SLC25A48: variants seen among roughly 807,000 people sequenced by gnomAD.
The protein encoded by SLC25A48 is CTC-321K16.1.
A neutral mutation model predicts 32.2 loss-of-function variants in SLC25A48; 29 were observed. The ratio of observed to expected loss-of-function variants is 0.90; its 90% CI spans 0.67 to 1.23. The LOEUF (loss-of-function observed/expected upper bound fraction) is 1.23, where lower values mean the gene tolerates loss of function less well. SLC25A48 is among the 50% of genes most tolerant of loss of function. The pLI, the probability that SLC25A48 is intolerant of heterozygous loss-of-function variation, is 0.00. For missense variants in SLC25A48, 399 were observed against 422.7 expected (o/e 0.94, Z 0.49); for synonymous variants, 164 against 172.3 (o/e 0.95, Z 0.38).
rs1451043680 is a variant in SLC25A48, at chr5:135,852,596, C to T, written c.196C>T (p.Leu66Phe). The T allele has an allele frequency of 5.6e-6, 9 of 1,603,202 alleles. No homozygotes were observed. Among genetic ancestry groups the T allele is most frequent in the Non-Finnish European group, 7.7e-6 (9 of 1,170,744 alleles). ...FGFFKGMSFP[L>F]ASIAVYNSVV... ...CTTCTTCAAGGGCATGTCCTTCCCCCTCGCCAGCATTGCCGTCTACAACTC... is the reference window on the plus strand; with the variant it reads ...CTTCTTCAAGGGCATGTCCTTCCCCTTCGCCAGCATTGCCGTCTACAACTC... Residue 66 changes from leucine (L) to phenylalanine (F), a missense_variant, in exon 4 of 8, where the codon CTC becomes TTC. Transcript: ENST00000681962.
chr5:135,650,255 A>C, intron 3 of SLC25A48: 1 of 363,738 alleles, frequency 2.7e-6, no homozygotes, highest in Admixed American at 3.4e-5. Context: ...TCTAAGCCAC[A>C]CACTGTAGAC....
At chr5:135,765,929 G>A (rs1756207217) in intron 3 of SLC25A48, among the ~76,000 whole-genome samples, 1 of 151,636 alleles carries the variant, frequency 6.6e-6, no homozygotes, top group African/African-American at 2.4e-5. Flanking sequence ...GGGGTGAGAG[G>A]GTCATATTAC....
At chr5:135,682,559 A>G (rs1008312206) in intron 3 of SLC25A48, among the ~76,000 whole-genome samples, 1 of 152,204 alleles carries the variant, frequency 6.6e-6, no homozygotes, top group Admixed American at 6.5e-5. Flanking sequence ...GAAGGATGTA[A>G]AGAGAATTAA....
intron 1 of SLC25A48, among the ~76,000 whole-genome samples, chr5:135,623,155 G>C (rs1163358172): frequency 6.6e-6 from 1 of 152,240 alleles, no homozygotes; most frequent in Non-Finnish European, 1.5e-5. Context: ...TCCCTTCTTG[G>C]TTTGTTGCTT....
At chr5:135,764,742 G>A (rs1317308936) in intron 3 of SLC25A48, among the ~76,000 whole-genome samples, 1 of 150,386 alleles carries the variant, frequency 6.6e-6, no homozygotes, top group Non-Finnish European at 1.5e-5. Flanking sequence ...ATATCACGGG[G>A]GGTGCACACC....
At position 135,869,365 on chromosome 5, in the gene SLC25A48, G is replaced by A. The variant is rs1250786896; in HGVS notation, c.422-2096G>A. Among the ~76,000 whole-genome samples the A allele has an allele frequency of 4.6e-5, 7 of 152,244 alleles. No homozygotes were observed. The South Asian group carries it at 6.2e-4, about 14-fold the overall frequency. ...CAATAAAAGCTAGATTGGTTATGTG[G>A]CAAACCTGGGAGAATGAGAGAGAAT... On this transcript the variant is annotated intron_variant, in intron 4 of 7. Transcript: ENST00000681962.
intron 1 of SLC25A48, among the ~76,000 whole-genome samples, chr5:135,589,500 A>G (rs995603013): frequency 3.9e-5 from 6 of 152,196 alleles, no homozygotes; most frequent in African/African-American, 1.4e-4. Flanking sequence ...AGGCCCTGAA[A>G]TATCAGCTTG....
intron 4 of SLC25A48, among the ~76,000 whole-genome samples, chr5:135,863,149 G>A (rs908485933): frequency 6.6e-6 from 1 of 152,150 alleles, no homozygotes; most frequent in African/African-American, 2.4e-5. Context: ...CAGGAGAGAG[G>A]AAAGTGTCAA....
chr5:135,755,632 C>T (rs916186365), intron 3 of SLC25A48, among the ~76,000 whole-genome samples: 2 of 151,536 alleles, frequency 1.3e-5, no homozygotes, highest in South Asian at 2.1e-4. Flanking sequence ...AATGAAATAT[C>T]GCTGTGATAT....
At chr5:135,872,273 T>C (rs57847999) in intron 5 of SLC25A48, 39,136 of 181,426 alleles carry the variant, frequency 0.22, 5,964 homozygotes, top group African/African-American at 0.45. Context: ...CACCACATCC[T>C]TCTTTCATTT....
rs565220762 is a variant in SLC25A48 at position 135,661,015 on chromosome 5, T to C, written c.-521+26059T>C. Among the ~76,000 whole-genome samples the C allele has an allele frequency of 2.4e-4, 37 of 152,364 alleles. No homozygotes were observed. The South Asian group carries it at 7.5e-3, about 31-fold the overall frequency. On this transcript the variant is annotated intron_variant, in intron 3 of 10. Coordinates refer to the SLC25A48 transcript ENST00000646290. ...CAAGGCTCAGACTCTGGAATGCCCC[T>C]GACTTTGTCAGTCCCAGGGCCAGAC...
At chr5:135,706,708 A>G (rs1302897963) in intron 3 of SLC25A48, among the ~76,000 whole-genome samples, 1 of 151,942 alleles carries the variant, frequency 6.6e-6, no homozygotes, top group African/African-American at 2.4e-5. Context: ...GCCCCCTGGG[A>G]GGACGAGAGG....
intron 3 of SLC25A48, among the ~76,000 whole-genome samples, chr5:135,773,095 A>G (rs1339717403): frequency 6.6e-6 from 1 of 151,244 alleles, no homozygotes; most frequent in African/African-American, 2.4e-5. Flanking sequence ...TACTCTCAAT[A>G]TCGCAGGGGG....
rs1244435782 is a variant in SLC25A48 at position 135,834,820 on chromosome 5, T to G, written c.-28T>G. ...GACTCTAAGTGGGCACTGCCCCGGC[T>G]CCGGGAGGGCGAGACCGAGCGCCGG... On this transcript the variant is annotated 5_prime_UTR_variant, in exon 1 of 8. Coordinates refer to ENST00000681962, the MANE Select transcript of SLC25A48 (RefSeq NM_001349336.2). 1.9e-6 allele frequency: 3 copies of G among 1,577,198 alleles called. No homozygotes were observed. The highest frequency in any genetic ancestry group is 2.6e-6 in the Non-Finnish European group (3 of 1,162,006).
chr5:135,858,859 A>G (rs1760550182), intron 4 of SLC25A48, among the ~76,000 whole-genome samples: 1 of 152,188 alleles, frequency 6.6e-6, no homozygotes, highest in Admixed American at 6.5e-5. Context: ...TTGGGTGTGA[A>G]TTCTGTGGGA....
intron 4 of SLC25A48, among the ~76,000 whole-genome samples, chr5:135,863,113 G>A (rs1317814771): frequency 2.0e-5 from 3 of 152,274 alleles, no homozygotes; most frequent in Admixed American, 6.5e-5. Flanking sequence ...TGATATAGAA[G>A]CAGCAGGCCA....
chr5:135,852,894 T>C (rs1173285237), intron 4 of SLC25A48, 73 bp downstream of exon 4: 1 of 1,516,824 alleles, frequency 6.6e-7, no homozygotes, highest in East Asian at 2.3e-5. Flanking sequence ...ATCTGGGACA[T>C]GGTTGTTAAA....
At chr5:135,678,886 A>G (rs553143903) in intron 3 of SLC25A48, among the ~76,000 whole-genome samples, 1 of 152,150 alleles carries the variant, frequency 6.6e-6, no homozygotes, top group African/African-American at 2.4e-5. Flanking sequence ...GGACAAGGAC[A>G]TAGGGTGGGT....
chr5:135,647,944 G>A (rs1034540566), intron 3 of SLC25A48, among the ~76,000 whole-genome samples: 1 of 152,138 alleles, frequency 6.6e-6, no homozygotes, highest in Non-Finnish European at 1.5e-5. Flanking sequence ...TGGTTGTAGA[G>A]AGAGGAAGGT....
Sources: allele counts gnomAD v4.1 joint callset (sites outside exome capture counted in the v4.1 genomes callset), GRCh38; gene constraint gnomAD v4.1.1; transcripts MANE v1.5; gene names NCBI Gene and HGNC (gene_info 2026-07-23, HGNC 2026-07-21).